ZFR: variants seen among roughly 807,000 people sequenced by gnomAD.
ZFR encodes the protein zinc finger RNA-binding protein.
A neutral mutation model predicts 130.7 loss-of-function variants in ZFR; 19 were observed. The observed-to-expected ratio is 0.15, with a 90% CI of 0.10 to 0.21. ZFR has a LOEUF of 0.21. Among genes scored for constraint, ZFR ranks in the 10% least tolerant of loss-of-function variants. The pLI, the probability that ZFR is intolerant of heterozygous loss-of-function variation, is 1.00. For synonymous variants in ZFR, 466 were observed against 456.9 expected (o/e 1.02, Z -0.25); for missense variants, 872 against 1,321.5 (o/e 0.66, Z 5.27).
chr5:32,387,011 T>G (rs1753059035), intron 14 of ZFR, among the ~76,000 whole-genome samples: 1 of 152,166 alleles, frequency 6.6e-6, no homozygotes, highest in East Asian at 1.9e-4. Context: ...ACTCTATTAG[T>G]TTTGCATTGC....
Position 32,428,975 on chromosome 5 carries a change from C to CTTT in ZFR, c.138-8875_138-8873dup, listed in dbSNP as rs576959110. On this transcript the variant is annotated intron_variant, in intron 2 of 19. Transcript: ENST00000265069. ...GAATTAGAAAAAAGTCTTCTTACAT[C>CTTT]TTTTTTTTTTTTTTTTTTTTTTTTT... 1.1e-3 allele frequency among the ~76,000 whole-genome samples: 103 copies of CTTT among 91,206 alleles called. 6 individuals carry two copies. Among genetic ancestry groups the CTTT allele is most frequent in the African/African-American group, 4.5e-3 (101 of 22,504 alleles). The allele number at this position is 91,206 out of a possible 152,430, so 59.8% of individuals were successfully genotyped here.
chr5:32,411,714 G>GGGA lies in ZFR; in HGVS notation c.784+3254_784+3255insTCC, dbSNP rs138920140. On this transcript the variant is annotated intron_variant, in intron 5 of 19. Transcript: ENST00000265069. The stretch of plus-strand genomic sequence containing the variant: ...AAAAAAAAAAAAAAAAATTGAGGGG[G>GGGA]GGCGGGGAATAGAAAATATAATACA... Among the ~76,000 whole-genome samples, 425 of 54,608 alleles carry GGGA rather than the reference G, an allele frequency of 7.8e-3. 56 individuals carry two copies. Among genetic ancestry groups the GGGA allele is most frequent in the African/African-American group, 0.022 (305 of 13,780 alleles). 35.8% of individuals were successfully genotyped at this position (54,608 alleles called of 152,430 possible).
chr5:32,359,416 T>C (rs1752382309), intron 19 of ZFR, among the ~76,000 whole-genome samples: 1 of 152,154 alleles, frequency 6.6e-6, no homozygotes, highest in Non-Finnish European at 1.5e-5. Context: ...AAAGACTGGA[T>C]ACCCCTGCCC....
At chr5:32,404,509 T>C (rs1050454658) in intron 6 of ZFR, among the ~76,000 whole-genome samples, 3 of 152,180 alleles carry the variant, frequency 2.0e-5, no homozygotes, top group Non-Finnish European at 4.4e-5. Flanking sequence ...AGTTACTGTA[T>C]GGTGGAACAA....
intron 19 of ZFR, among the ~76,000 whole-genome samples, chr5:32,358,538 T>C (rs1326204357): frequency 1.3e-5 from 2 of 151,994 alleles, no homozygotes; most frequent in East Asian, 3.9e-4. Flanking sequence ...CGGGTGCCTA[T>C]AGTCCCAGCT....
Position 32,417,668 on chromosome 5 carries a change from G to C in ZFR, c.545C>G (p.Ala182Gly), listed in dbSNP as rs1753856604. The C allele has an allele frequency of 6.2e-7, 1 of 1,613,474 alleles. No homozygotes were observed. Among genetic ancestry groups the C allele is most frequent in the Non-Finnish European group, 8.5e-7 (1 of 1,179,886 alleles). Reference protein sequence around the residue: ...AAAAQPQPSVAETYYQTAPKA... With the variant: ...AAAAQPQPSVGETYYQTAPKA... ...CCCACCTGTCTGATAGTAAGTTTCA[G>C]CAACAGAAGGCTGAGGTTGGGCAGC... The change falls in exon 4 of 20, where the codon GCT becomes GGT. Residue 182 changes from alanine to glycine, a missense_variant. By Grantham distance (60) the Ala-to-Gly change is moderately conservative (BLOSUM62 0). Transcript: ENST00000265069.
chr5:32,408,312 T>C (rs1478223877), intron 5 of ZFR, among the ~76,000 whole-genome samples: 1 of 81,324 alleles, frequency 1.2e-5, no homozygotes, highest in African/African-American at 4.2e-5. Context: ...GAACGTTTGA[T>C]TAAAAAAAAA....
chr5:32,375,126 A>C (rs1752770207), intron 17 of ZFR, among the ~76,000 whole-genome samples: 1 of 152,248 alleles, frequency 6.6e-6, no homozygotes, highest in African/African-American at 2.4e-5. Flanking sequence ...ATGTATGAAG[A>C]ATCATTCCCA....
intron 17 of ZFR, among the ~76,000 whole-genome samples, chr5:32,377,352 C>T (rs1458345766): frequency 6.6e-6 from 1 of 151,058 alleles, no homozygotes; most frequent in African/African-American, 2.4e-5. Context: ...CCTGCCTCAG[C>T]CTCCTGAGTA....
intron 8 of ZFR, among the ~76,000 whole-genome samples, chr5:32,400,856 TG>T (rs1347490407): frequency 3.3e-5 from 5 of 152,014 alleles, no homozygotes; most frequent in African/African-American, 1.2e-4. Flanking sequence ...CCAAAAAAGT[TG>T]GGGGTAACAT....
chr5:32,426,421 G>T (rs1362206393), intron 2 of ZFR, among the ~76,000 whole-genome samples: 1 of 151,582 alleles, frequency 6.6e-6, no homozygotes, highest in South Asian at 2.1e-4. Context: ...AACCAACTAG[G>T]AATTGAAGGA....
chr5:32,418,540 G>A (rs1753883157), intron 3 of ZFR, among the ~76,000 whole-genome samples: 1 of 152,164 alleles, frequency 6.6e-6, no homozygotes, highest in Non-Finnish European at 1.5e-5. Context: ...AAGAGGGGTA[G>A]AAAGGTATGT....
chr5:32,360,419 C>T (rs1752406889), intron 19 of ZFR, among the ~76,000 whole-genome samples: 1 of 152,204 alleles, frequency 6.6e-6, no homozygotes, highest in Non-Finnish European at 1.5e-5. Context: ...AGAACTACCA[C>T]TGCCTATTAT....
chr5:32,441,425 C>T (rs1754470607), intron 2 of ZFR, among the ~76,000 whole-genome samples: 4 of 151,878 alleles, frequency 2.6e-5, no homozygotes. Flanking sequence ...TACAAAAATC[C>T]ATACATAAAG....
chr5:32,395,881 T>C (rs1753294263), intron 10 of ZFR, among the ~76,000 whole-genome samples: 1 of 152,188 alleles, frequency 6.6e-6, no homozygotes, highest in Non-Finnish European at 1.5e-5. Context: ...AACATAAAAA[T>C]AACTGTTTAT....
At position 32,419,911 on chromosome 5, in the gene ZFR, G is replaced by T; in HGVS notation, c.330C>A (p.Pro110=). 6.2e-7 allele frequency: 1 copy of T among 1,613,960 alleles called. No homozygotes were observed. The highest frequency in any genetic ancestry group is 1.1e-5 in the South Asian group (1 of 91,076). The change falls in exon 3 of 20, where the codon CCC becomes CCA. Residue 110 remains proline, a synonymous_variant. Coordinates refer to ENST00000265069, the MANE Select transcript of ZFR (RefSeq NM_016107.5). ...AATAAAYGGY[P]TAHTATDYGY... ...CATAGTCAGTTGCTGTGTGTGCAGT[G>T]GGGTAGCCTCCATAAGCAGCAGCTG...
intron 15 of ZFR, among the ~76,000 whole-genome samples, chr5:32,384,895 A>T (rs1303727344): frequency 6.6e-6 from 1 of 152,146 alleles, no homozygotes; most frequent in Non-Finnish European, 1.5e-5. Context: ...ATTTTTCAGT[A>T]TCTTAAGTGT....
intron 19 of ZFR, among the ~76,000 whole-genome samples, chr5:32,362,386 A>T (rs756278368): frequency 6.6e-6 from 1 of 152,202 alleles, no homozygotes. Flanking sequence ...TGTGGAAGGA[A>T]ATATGGAATC....
At chr5:32,444,580 G>A (rs1754563545) in intron 1 of ZFR, 42 bp downstream of exon 1, 8 of 1,457,766 alleles carry the variant, frequency 5.5e-6, no homozygotes, top group Non-Finnish European at 7.2e-6. Flanking sequence ...CGGGGCCAGG[G>A]AGGGGGCCGG....
Sources: allele counts gnomAD v4.1 joint callset (sites outside exome capture counted in the v4.1 genomes callset), GRCh38; gene constraint gnomAD v4.1.1; transcripts MANE v1.5; gene names NCBI Gene and HGNC (gene_info 2026-07-23, HGNC 2026-07-21).